The following MINDY2 variants were observed in gnomAD, a reference collection of about 807,000 sequenced individuals.
MINDY2 encodes the protein ubiquitin carboxyl-terminal hydrolase MINDY-2.
MINDY2 carries 52 observed loss-of-function variants against 68.2 expected under a neutral mutation model. The ratio of observed to expected loss-of-function variants is 0.76; its 90% CI spans 0.61 to 0.96. The LOEUF (loss-of-function observed/expected upper bound fraction) is 0.96. Among genes scored for constraint, MINDY2 ranks in the 40% least tolerant of loss-of-function variants. The pLI, the probability that MINDY2 is intolerant of heterozygous loss-of-function variation, is 0.00. For missense variants in MINDY2, 881 were observed against 773.4 expected (o/e 1.14, Z -1.65); for synonymous variants, 372 against 303.0 (o/e 1.23, Z -2.36).
chr15:58,773,732 G>A (rs1200392783), intron 1 of MINDY2, among the ~76,000 whole-genome samples: 1 of 151,888 alleles, frequency 6.6e-6, no homozygotes, highest in East Asian at 1.9e-4. Flanking sequence ...ACAAATTAGA[G>A]CAATTTAACA....
At chr15:58,839,903 G>C (rs1261092561) in intron 6 of MINDY2, among the ~76,000 whole-genome samples, 1 of 150,404 alleles carries the variant, frequency 6.6e-6, no homozygotes, top group Admixed American at 6.7e-5. Context: ...AGCAATCTCA[G>C]CTCACTGCAA....
chr15:58,829,584 G>A (rs2031603775), intron 5 of MINDY2, among the ~76,000 whole-genome samples: 1 of 152,130 alleles, frequency 6.6e-6, no homozygotes, highest in Admixed American at 6.6e-5. Flanking sequence ...TTTTTGAAAG[G>A]GATCTGTGGA....
chr15:58,833,401 C>G (rs2031837960), intron 6 of MINDY2, among the ~76,000 whole-genome samples: 1 of 152,104 alleles, frequency 6.6e-6, no homozygotes, highest in Non-Finnish European at 1.5e-5. Flanking sequence ...GAACAAGAGA[C>G]TTGGAAAAGA....
At chr15:58,803,504 C>T (rs1264585643) in intron 3 of MINDY2, among the ~76,000 whole-genome samples, 1 of 148,490 alleles carries the variant, frequency 6.7e-6, no homozygotes, top group Non-Finnish European at 1.5e-5. Context: ...CAACAACTTA[C>T]ATTGCATTAT....
chr15:58,832,766 A>G (rs2031803184), intron 6 of MINDY2, among the ~76,000 whole-genome samples: 1 of 151,864 alleles, frequency 6.6e-6, no homozygotes, highest in South Asian at 2.1e-4. Context: ...ACCTCAGATG[A>G]TAGCCCGCCT....
chr15:58,844,462 G>C (rs796869478), intron 6 of MINDY2, among the ~76,000 whole-genome samples: 18 of 151,420 alleles, frequency 1.2e-4, no homozygotes, highest in African/African-American at 4.1e-4. Context: ...TGAGGCGGGA[G>C]AATGGGGTGA....
In MINDY2 at chr15:58,772,025, G is replaced by A. The variant is rs1900454309; in HGVS notation, c.630G>A (p.Val210=). ...RVPEEEEGAA[V]LPGAVPLCKE... is the part of the protein sequence containing the mutation. Reference sequence around the variant, plus strand: ...CTGAGGAGGAGGAGGGCGCGGCGGTGTTGCCCGGGGCTGTTCCTCTGTGCA... The same window carrying A: ...CTGAGGAGGAGGAGGGCGCGGCGGTATTGCCCGGGGCTGTTCCTCTGTGCA... Residue 210 remains valine (V), a synonymous_variant, in exon 1 of 9, where the codon GTG becomes GTA. Transcript: ENST00000559228. 3 of 1,599,354 alleles carry A rather than the reference G, an allele frequency of 1.9e-6. No homozygotes were observed. The highest frequency in any genetic ancestry group is 2.7e-5 in the African/African-American group (2 of 74,596).
intron 1 of MINDY2, among the ~76,000 whole-genome samples, chr15:58,783,084 T>C (rs146745700): frequency 1.4e-3 from 211 of 151,926 alleles, no homozygotes; most frequent in African/African-American, 4.6e-3. Context: ...CGCGCCTGGC[T>C]AATTGTTTGT....
At chr15:58,806,809 A>G (rs1324804937) in intron 3 of MINDY2, among the ~76,000 whole-genome samples, 4 of 152,180 alleles carry the variant, frequency 2.6e-5, no homozygotes, top group East Asian at 1.9e-4. Flanking sequence ...GAAAAGTTCT[A>G]AAACACTTAA....
At chr15:58,811,129 C>A (rs610877) in intron 4 of MINDY2, among the ~76,000 whole-genome samples, 75,427 of 152,146 alleles carry the variant, frequency 0.5, 21,568 homozygotes, top group East Asian at 0.84. Flanking sequence ...ATTGGTACAG[C>A]AATGCCAAGA....
chr15:58,827,519 A>G (rs2031470768), intron 5 of MINDY2, among the ~76,000 whole-genome samples: 1 of 152,122 alleles, frequency 6.6e-6, no homozygotes, highest in Non-Finnish European at 1.5e-5. Flanking sequence ...GCTGGAGTGT[A>G]GTGGCGCGAT....
In MINDY2 at chr15:58,861,710, C is replaced by G. The variant is rs1277941227; in HGVS notation, c.*7100C>G. 1 of 152,046 alleles carries G rather than the reference C, an allele frequency of 6.6e-6. No homozygotes were observed. Among genetic ancestry groups the G allele is most frequent in the Non-Finnish European group, 1.5e-5 (1 of 68,022 alleles). The allele number at this position is 152,046 out of a possible 1,614,324, so 9.4% of individuals were successfully genotyped here. ...ATGGTAAAGTATAAAATATTTCTGA[C>G]AGAATTATTCAGTATTATTCAACAT... On this transcript the variant is annotated 3_prime_UTR_variant, in exon 9 of 9. Transcript: ENST00000559228.
chr15:58,860,610 A>T lies in MINDY2; in HGVS notation c.*6000A>T, dbSNP rs2140891936. ...AAAAAAAAAAAAGTCAAGAAACTGAAATTCCCATTTAAGTTCTCAAATCAG... is the reference window on the plus strand; with the variant it reads ...AAAAAAAAAAAAGTCAAGAAACTGATATTCCCATTTAAGTTCTCAAATCAG... On this transcript the variant is annotated 3_prime_UTR_variant, in exon 9 of 9. Coordinates refer to ENST00000559228, the MANE Select transcript of MINDY2 (RefSeq NM_001040450.3). 6.6e-6 allele frequency: 1 copy of T among 151,950 alleles called. No individual in the cohort carries two copies. Among genetic ancestry groups the T allele is most frequent in the Admixed American group, 6.6e-5 (1 of 15,244 alleles). The allele number at this position is 151,950 out of a possible 1,614,324, so 9.4% of individuals were successfully genotyped here.
rs1256502800 is a variant in MINDY2, at chr15:58,856,159, G to T, written c.*1549G>T. The T allele has an allele frequency of 2.0e-5, 3 of 152,504 alleles. No homozygotes were observed. The highest frequency in any genetic ancestry group is 7.2e-5 in the African/African-American group (3 of 41,412). 9.4% of individuals were successfully genotyped at this position (152,504 alleles called of 1,614,324 possible). ...TTTAAAAGTTTGTTTTAGTTATTTTGAAAGACTATTGCTGCTGCAAATAGT... is the reference window on the plus strand; with the variant it reads ...TTTAAAAGTTTGTTTTAGTTATTTTTAAAGACTATTGCTGCTGCAAATAGT... On this transcript the variant is annotated 3_prime_UTR_variant, in exon 9 of 9. Transcript: ENST00000559228.
chr15:58,829,180 A>T (rs1308817840), intron 5 of MINDY2, among the ~76,000 whole-genome samples: 1 of 152,240 alleles, frequency 6.6e-6, no homozygotes, highest in Non-Finnish European at 1.5e-5. Flanking sequence ...GAGCTTTTCA[A>T]TAAAGGCTAA....
rs1309537159 is a variant in MINDY2, at chr15:58,831,302, C to G, written c.1226-472C>G. ...GAGAAGTTTACAACTTAAGAATTAT[C>G]TAGGATTTTTGTGAAATCTTAAGCT... On this transcript the variant is annotated intron_variant, in intron 5 of 8. Transcript: ENST00000559228. Among the ~76,000 whole-genome samples, 5 of 152,140 alleles carry G rather than the reference C, an allele frequency of 3.3e-5. No individual in the cohort carries two copies. The East Asian group carries it at 9.7e-4, about 29-fold the overall frequency.
intron 1 of MINDY2, among the ~76,000 whole-genome samples, chr15:58,778,810 CTTTTTTTTTTT>C (rs1182523003): frequency 6.1e-5 from 7 of 114,374 alleles, no homozygotes; most frequent in African/African-American, 1.7e-4. Flanking sequence ...TTCTTTTTTT[CTTTTTTTTTTT>C]TTTTTTTTTG....
In MINDY2 at chr15:58,859,460, A is replaced by G. The variant is rs1033132882; in HGVS notation, c.*4850A>G. The G allele has an allele frequency of 7.2e-5, 11 of 152,194 alleles. No homozygotes were observed. Among genetic ancestry groups the G allele is most frequent in the Admixed American group, 2.6e-4 (4 of 15,272 alleles). The allele number at this position is 152,194 out of a possible 1,614,324, so 9.4% of individuals were successfully genotyped here. A position where few individuals can be genotyped will look rare whatever the true frequency, so the allele number is the denominator to read the frequency against. ...GAAGTTAAATCCCTTTTAGAAAGTG[A>G]CTGAAAATGGTAAAGGAACTCATCA... On this transcript the variant is annotated 3_prime_UTR_variant, in exon 9 of 9. Transcript: ENST00000559228.
chr15:58,812,436 C>CA (rs200958606), intron 4 of MINDY2, among the ~76,000 whole-genome samples: 7,314 of 104,022 alleles, frequency 0.07, 538 homozygotes, highest in African/African-American at 0.21. Context: ...CGGTCCGTCT[C>CA]AAAAAAAAAA....
Sources: allele counts gnomAD v4.1 joint callset (sites outside exome capture counted in the v4.1 genomes callset), GRCh38; gene constraint gnomAD v4.1.1; transcripts MANE v1.5; gene names NCBI Gene and HGNC (gene_info 2026-07-23, HGNC 2026-07-21).